Variants in BCL11A observed in about 807,000 individuals in gnomAD.
BCL11A encodes B cell CLL/lymphoma 11A.
A neutral mutation model predicts 55.9 loss-of-function variants in BCL11A; 2 were observed. That is an observed-to-expected ratio of 0.04 (90% confidence interval 0.01 to 0.11). BCL11A has a LOEUF of 0.11. Among genes scored for constraint, BCL11A ranks in the 10% least tolerant of loss-of-function variants. BCL11A has a pLI of 1.00. For synonymous variants in BCL11A, 465 were observed against 473.4 expected (o/e 0.98, Z 0.23); for missense variants, 817 against 1,137.1 (o/e 0.72, Z 4.05).
intron 1 of BCL11A, among the ~76,000 whole-genome samples, chr2:60,551,486 C>T (rs896270700): frequency 6.6e-6 from 1 of 152,040 alleles, no homozygotes; most frequent in Admixed American, 6.5e-5. Context: ...CCAGACCGGG[C>T]GGGGTGGGGG....
chr2:60,473,578 C>A (rs538489256), intron 2 of BCL11A, among the ~76,000 whole-genome samples: 1 of 152,216 alleles, frequency 6.6e-6, no homozygotes. Flanking sequence ...ACACAAATAA[C>A]AACAGTGCAG....
At position 60,457,757 on chromosome 2, in the gene BCL11A, G is replaced by A. The variant is rs974118663; in HGVS notation, c.*2647C>T. On this transcript the variant is annotated 3_prime_UTR_variant, in exon 4 of 4. Transcript: ENST00000642384. ...TGGAATGTAGGGTGATAGAAGGAAA[G>A]GGACAAAAAGCACACTACATAACAA... The A allele has an allele frequency of 1.5e-5, 15 of 1,033,772 alleles. No homozygotes were observed. The highest frequency in any genetic ancestry group is 1.3e-5 in the Non-Finnish European group (11 of 860,168). The allele number at this position is 1,033,772 out of a possible 1,614,324, so 64.0% of individuals were successfully genotyped here.
chr2:60,542,990 A>AGG (rs1368537380), intron 2 of BCL11A: 1 of 148,136 alleles, frequency 6.8e-6, no homozygotes, highest in African/African-American at 2.5e-5. Context: ...AAATCATGCC[A>AGG]CTGCACTCCA....
At chr2:60,511,769 C>T (rs1224897570) in intron 2 of BCL11A, among the ~76,000 whole-genome samples, 2 of 152,232 alleles carry the variant, frequency 1.3e-5, no homozygotes, top group South Asian at 4.1e-4. Context: ...AGCAGCTAGT[C>T]ATGTAAGACA....
intron 2 of BCL11A, among the ~76,000 whole-genome samples, chr2:60,509,215 G>C (rs1050697621): frequency 4.6e-5 from 7 of 152,242 alleles, no homozygotes; most frequent in Non-Finnish European, 1.0e-4. Flanking sequence ...TGGCTTGGAT[G>C]TTATGAGGAT....
chr2:60,530,214 C>A (rs1265721796), intron 2 of BCL11A, among the ~76,000 whole-genome samples: 1 of 152,166 alleles, frequency 6.6e-6, no homozygotes, highest in East Asian at 1.9e-4. Flanking sequence ...AACAAGAGCA[C>A]CTTTTCCCCA....
intron 2 of BCL11A, among the ~76,000 whole-genome samples, chr2:60,476,088 C>T (rs972658049): frequency 1.3e-5 from 2 of 152,220 alleles, no homozygotes; most frequent in African/African-American, 4.8e-5. Context: ...AAGAGACCTA[C>T]TATAGGCCGT....
chr2:60,525,795 G>C (rs1275781268), intron 2 of BCL11A: 4 of 152,190 alleles, frequency 2.6e-5, no homozygotes, highest in African/African-American at 9.7e-5. Context: ...TCAAAGTTTG[G>C]TTCTGGAAAA....
intron 2 of BCL11A, among the ~76,000 whole-genome samples, chr2:60,499,239 G>A (rs888093944): frequency 2.6e-5 from 4 of 152,278 alleles, no homozygotes; most frequent in East Asian, 3.9e-4. Flanking sequence ...TGTGCAAGGC[G>A]AGTGGATAGC....
chr2:60,510,222 T>C (rs1378934268), intron 2 of BCL11A, among the ~76,000 whole-genome samples: 1 of 152,192 alleles, frequency 6.6e-6, no homozygotes, highest in Non-Finnish European at 1.5e-5. Context: ...TCCATCTCCC[T>C]TGGAGTCAGA....
intron 2 of BCL11A, among the ~76,000 whole-genome samples, chr2:60,511,294 C>A (rs949514988): frequency 6.6e-6 from 1 of 152,228 alleles, no homozygotes; most frequent in Admixed American, 6.5e-5. Context: ...CTAAAATACC[C>A]TTTCCCACCC....
Position 60,466,491 on chromosome 2 carries a change from G to A in BCL11A, c.487+2241C>T, listed in dbSNP as rs187700017. Among the ~76,000 whole-genome samples, 19 of 152,186 alleles carry A rather than the reference G, an allele frequency of 1.2e-4. No homozygotes were observed. The East Asian group carries it at 3.7e-3, about 29-fold the overall frequency. ...AACCCAGGCTTAGGCCCAGCTTGGG[G>A]GAAGGGAGCAGATGAGGTGCTTTTA... On this transcript the variant is annotated intron_variant, in intron 3 of 3. Coordinates refer to ENST00000642384, the MANE Select transcript of BCL11A (RefSeq NM_022893.4).
At chr2:60,466,092 T>C (rs928790203) in intron 3 of BCL11A, among the ~76,000 whole-genome samples, 1 of 152,168 alleles carries the variant, frequency 6.6e-6, no homozygotes, top group Non-Finnish European at 1.5e-5. Context: ...TTCTGGTCAC[T>C]CCTAAATTGG....
Position 60,457,574 on chromosome 2 carries a change from G to A in BCL11A, c.*2830C>T, listed in dbSNP as rs1323814092. 1 of 1,045,824 alleles carries A rather than the reference G, an allele frequency of 9.6e-7. No homozygotes were observed. The highest frequency in any genetic ancestry group is 1.7e-5 in the African/African-American group (1 of 59,862). 64.8% of individuals were successfully genotyped at this position (1,045,824 alleles called of 1,614,324 possible). ...TACAAAAAAGTATTGACTAAAGCGG[G>A]CTTTCTCTTTAATATGCTTTGCATA... On this transcript the variant is annotated 3_prime_UTR_variant, in exon 4 of 4. Transcript: ENST00000642384.
chr2:60,489,725 T>C (rs1678509477), intron 2 of BCL11A, among the ~76,000 whole-genome samples: 1 of 152,094 alleles, frequency 6.6e-6, no homozygotes, highest in African/African-American at 2.4e-5. Flanking sequence ...CCCGGGCCGT[T>C]CTCCTTTCCA....
At chr2:60,504,433 T>G (rs1378948367) in intron 2 of BCL11A, among the ~76,000 whole-genome samples, 1 of 152,202 alleles carries the variant, frequency 6.6e-6, no homozygotes, top group Non-Finnish European at 1.5e-5. Flanking sequence ...CTGGCCAGCC[T>G]GCTCTCCCAA....
rs1676286878 is a variant in BCL11A at position 60,461,517 on chromosome 2, G to A, written c.1395C>T (p.Ser465=). 6.2e-7 allele frequency: 1 copy of A among 1,607,444 alleles called. No individual in the cohort carries two copies. The highest frequency in any genetic ancestry group is 8.5e-7 in the Non-Finnish European group (1 of 1,179,964). Residue 465 remains serine (S), a synonymous_variant, in exon 4 of 4, where the codon TCC becomes TCT. Transcript: ENST00000642384. ...TCTCGCTCTTGAACTTGGCCACCAC[G>A]GACTTGAGCGCGCTGCTGGCGCTGC... ...LVGSASSALK[S]VVAKFKSEND...
chr2:60,541,187 T>C (rs766018443), intron 2 of BCL11A, among the ~76,000 whole-genome samples: 5 of 151,760 alleles, frequency 3.3e-5, no homozygotes, highest in Non-Finnish European at 7.4e-5. Flanking sequence ...ACACACAGGA[T>C]GATCTTCATA....
At chr2:60,473,675 C>G (rs1051215153) in intron 2 of BCL11A, among the ~76,000 whole-genome samples, 2 of 152,182 alleles carry the variant, frequency 1.3e-5, no homozygotes, top group Non-Finnish European at 2.9e-5. Context: ...CCTATGTTTA[C>G]CATAGATACC....
Sources: gnomAD v4.1 joint callset for allele counts (sites outside exome capture counted in the v4.1 genomes callset) on GRCh38, gnomAD v4.1.1 for gene constraint, MANE v1.5 for transcripts, NCBI Gene and HGNC (gene_info 2026-07-23, HGNC 2026-07-21) for gene names.